The following CYP11B1 variants were observed in gnomAD, a reference collection of about 807,000 sequenced individuals.
CYP11B1 encodes cytochrome P450 family 11 subfamily B member 1.
In CYP11B1, 34 loss-of-function variants were observed where a neutral mutation model predicts 48.3. The ratio of observed to expected loss-of-function variants is 0.70; its 90% CI spans 0.54 to 0.94. CYP11B1 has a LOEUF of 0.94. Ranked by LOEUF, CYP11B1 falls within the 40% of genes least tolerant of loss-of-function variation. The pLI is 0.00. For missense variants in CYP11B1, 688 were observed against 657.4 expected (o/e 1.05, Z -0.51); for synonymous variants, 291 against 262.5 (o/e 1.11, Z -1.05).
rs745709636 is a variant in CYP11B1 at position 142,879,660 on chromosome 8, G to C, written c.154C>G (p.Leu52Val). ...PRRPGNRWLR[L>V]LQIWREQGYE... Reference sequence around the variant, plus strand: ...CCCTGCTCCCTCCAGATCTGCAGCAGCCTCAGCCACCTGTTGCCTGGACGC... The same window carrying C: ...CCCTGCTCCCTCCAGATCTGCAGCACCCTCAGCCACCTGTTGCCTGGACGC... Residue 52 changes from leucine (L) to valine (V), a missense_variant, in exon 1 of 9, where the codon CTG (leucine) becomes GTG (valine). Leu to Val is a conservative substitution (Grantham distance 32, BLOSUM62 1). Coordinates refer to ENST00000292427, the MANE Select transcript of CYP11B1 (RefSeq NM_000497.4). The C allele has an allele frequency of 1.9e-6, 3 of 1,614,248 alleles. No individual in the cohort carries two copies. The South Asian group carries it at 3.3e-5, about 18-fold the overall frequency.
intron 5 of CYP11B1, 104 bp from the exon 6 acceptor site, chr8:142,875,982 C>T (rs1245217508): frequency 1.4e-6 from 2 of 1,435,464 alleles, no homozygotes; most frequent in Non-Finnish European, 9.8e-7. Context: ...GACATGCATA[C>T]CCTGAGAACG....
At chr8:142,874,828 A>G in intron 8 of CYP11B1, 129 bp downstream of exon 8, 1 of 1,191,530 alleles carries the variant, frequency 8.4e-7, no homozygotes, top group South Asian at 1.3e-5. Context: ...TTCTCCCAGT[A>G]CCGGCTCTGC....
At position 142,876,847 on chromosome 8, in the gene CYP11B1, C is replaced by A; in HGVS notation, c.634G>T (p.Val212Phe). 6.2e-7 allele frequency: 1 copy of A among 1,614,038 alleles called. No homozygotes were observed. Among genetic ancestry groups the A allele is most frequent in the Non-Finnish European group, 8.5e-7 (1 of 1,180,006 alleles). Residue 212 changes from valine to phenylalanine, a missense_variant, in exon 4 of 9, where the codon GTT (valine) becomes TTT (phenylalanine). Transcript: ENST00000292427. Reference protein sequence around the residue: ...LALFGERLGLVGHSPSSASLN... With the variant: ...LALFGERLGLFGHSPSSASLN... ...CTGGCAGAACTGGGGCTGTGGCCAACCAGGCCCAGCCGCTCTCCAAAAAGA... is the reference window on the plus strand; with the variant it reads ...CTGGCAGAACTGGGGCTGTGGCCAAACAGGCCCAGCCGCTCTCCAAAAAGA...
At position 142,879,768 on chromosome 8, in the gene CYP11B1, G is replaced by A. The variant is rs1817089093; in HGVS notation, c.46C>T (p.Leu16=). The A allele has an allele frequency of 6.2e-7, 1 of 1,614,192 alleles. No homozygotes were observed. The change falls in exon 1 of 9, where the codon CTG becomes TTG. Residue 16 remains leucine, a synonymous_variant. Coordinates refer to ENST00000292427, the MANE Select transcript of CYP11B1 (RefSeq NM_000497.4). ...AGTGCCTGTGCCCTTTGCAGGGACA[G>A]CCAGGGCACTGCCATGCACACCTCT... ...KAEVCMAVPW[L]SLQRAQALGT...
At position 142,879,586 on chromosome 8, in the gene CYP11B1, C is replaced by A. The variant is rs780130248; in HGVS notation, c.228G>T (p.Gly76=). 1.2e-6 allele frequency: 2 copies of A among 1,614,084 alleles called. No homozygotes were observed. The highest frequency in any genetic ancestry group is 1.7e-6 in the Non-Finnish European group (2 of 1,180,040). Residue 76 remains glycine (G), a synonymous_variant, in exon 1 of 9, where the codon GGG becomes GGT. Coordinates refer to ENST00000292427, the MANE Select transcript of CYP11B1 (RefSeq NM_000497.4). The part of the protein sequence containing the change: ...LEVHQTFQEL[G]PIFRYDLGGA... ...AGGGAGGGCTTTACCTGAAAATGGG[C>A]CCTAGTTCCTGGAAGGTCTGGTGTA... is the stretch of plus-strand genomic sequence containing the variant.
rs369813641 is a variant in CYP11B1, at chr8:142,875,090, C to T, written c.1265G>A (p.Arg422His). 2.6e-5 allele frequency: 42 copies of T among 1,614,136 alleles called. No individual in the cohort carries two copies. The highest frequency in any genetic ancestry group is 9.9e-5 in the South Asian group (9 of 91,092). Residue 422 changes from arginine (R) to histidine (H), a missense_variant, in exon 8 of 9, where the codon CGC becomes CAC. Arg to His is a conservative substitution (Grantham distance 29). Coordinates refer to ENST00000292427, the MANE Select transcript of CYP11B1 (RefSeq NM_000497.4). ...GTCTAGCCAGCGCTGGGGGTTATAG[C>T]GCTCAGGCCTCGGGAACAAGGCGGG... ...RNPALFPRPERYNPQRWLDIR... is the reference protein window; with the variant it reads ...RNPALFPRPEHYNPQRWLDIR...
intron 7 of CYP11B1, 21 bp downstream of exon 7, chr8:142,875,213 A>T: frequency 6.2e-7 from 1 of 1,614,078 alleles, no homozygotes; most frequent in Non-Finnish European, 8.5e-7. Context: ...TCTCAGCTCG[A>T]GGGGTGTGGG....
rs752880294 is a variant in CYP11B1, at chr8:142,877,850, CTTTA to C, written c.396-632_396-629del. 2.0e-5 allele frequency: 32 copies of C among 1,585,608 alleles called. No individual in the cohort carries two copies. In the South Asian group the frequency reaches 3.1e-4, roughly 16 times the overall value. On this transcript the variant is annotated intron_variant, in intron 2 of 8. Transcript: ENST00000292427. ...AGCCACATTTCTGCAAAACTCAAAG[CTTTA>C]TTTATGTCCAGCTGGCTGTTGTGAG...
Position 142,875,876 on chromosome 8 carries a change from C to G in CYP11B1, c.957G>C (p.Thr319=). Residue 319 remains threonine (T), a splice_region_variant and synonymous_variant, in exon 6 of 9, where the codon ACG becomes ACC. Transcript: ENST00000292427. ...AGAGCGTCATCAGCAAGGGAAACAC[C>G]GTCTGCAGGAGACACAGCTGCAGGG... ...MELTAGSVDT[T]VFPLLMTLFE... 5 of 1,614,062 alleles carry G rather than the reference C, an allele frequency of 3.1e-6. No homozygotes were observed. Among genetic ancestry groups the G allele is most frequent in the Non-Finnish European group, 4.2e-6 (5 of 1,179,976 alleles).
At chr8:142,879,512 A>T in intron 1 of CYP11B1, 63 bp downstream of exon 1, 1 of 1,614,114 alleles carries the variant, frequency 6.2e-7, no homozygotes, top group Non-Finnish European at 8.5e-7. Flanking sequence ...AGTGCCCGGC[A>T]GGGTCCTGGG....
At position 142,875,068 on chromosome 8, in the gene CYP11B1, T is replaced by G; in HGVS notation, c.1287A>C (p.Leu429=). 1 of 1,614,216 alleles carries G rather than the reference T, an allele frequency of 6.2e-7. No individual in the cohort carries two copies. Among genetic ancestry groups the G allele is most frequent in the Non-Finnish European group, 8.5e-7 (1 of 1,180,034 alleles). The change falls in exon 8 of 9, where the codon CTA becomes CTC. Residue 429 remains leucine, a synonymous_variant. Transcript: ENST00000292427. ...AGTTCCTGCCGGAGCCCCTGATGTC[T>G]AGCCAGCGCTGGGGGTTATAGCGCT... is the stretch of plus-strand genomic sequence containing the variant. ...RPERYNPQRW[L]DIRGSGRNFY... is the part of the protein sequence containing the mutation.
In CYP11B1 at chr8:142,875,021, A is replaced by T. The variant is rs554178535; in HGVS notation, c.1334T>A (p.Phe445Tyr). ...GRNFYHVPFG[F>Y]GMRQCLGRRL... is the part of the protein sequence containing the mutation. ...CCGCCCAAGGCACTGGCGCATGCCA[A>T]AGCCAAAGGGCACGTGGTAGAAGTT... The change falls in exon 8 of 9, where the codon TTT becomes TAT. Residue 445 changes from phenylalanine to tyrosine, a missense_variant. Phe to Tyr is a conservative substitution (Grantham distance 22). Transcript: ENST00000292427. 3.7e-6 allele frequency: 6 copies of T among 1,614,246 alleles called. No individual in the cohort carries two copies. The highest frequency in any genetic ancestry group is 5.1e-6 in the Non-Finnish European group (6 of 1,180,048).
At chr8:142,875,411 C>G in intron 6 of CYP11B1, 99 bp from the exon 7 acceptor site, 1 of 1,374,000 alleles carries the variant, frequency 7.3e-7, no homozygotes, top group Non-Finnish European at 1.0e-6. Flanking sequence ...GGTCCCAGAT[C>G]CATGGGAAGC....
Position 142,877,191 on chromosome 8 carries a change from G to A in CYP11B1, c.427C>T (p.Arg143Trp), listed in dbSNP as rs140336749. Residue 143 changes from arginine (R) to tryptophan (W), a missense_variant, in exon 3 of 9, where the codon CGG becomes TGG. Coordinates refer to ENST00000292427, the MANE Select transcript of CYP11B1 (RefSeq NM_000497.4). ...GGCGACAGCACTTCTGGATTCAGCC[G>A]CAATCGGTTGAAGCGCCATTCAGGC... ...NGPEWRFNRL[R>W]LNPEVLSPNA... The A allele has an allele frequency of 6.1e-5, 99 of 1,614,016 alleles. No homozygotes were observed. In the South Asian group the frequency reaches 9.4e-4, roughly 15 times the overall value.
chr8:142,874,392 G>A lies in CYP11B1; in HGVS notation c.1493C>T (p.Thr498Ile). The change falls in exon 9 of 9, where the codon ACC (threonine) becomes ATC (isoleucine). Residue 498 changes from threonine to isoleucine, a missense_variant. By Grantham distance (89) the Thr-to-Ile change is moderately conservative. Transcript: ENST00000292427. ...ILRPSMFPLL[T>I]FRAIN is the part of the protein sequence containing the mutation. ...ACGTGATTAGTTGATGGCTCTGAAG[G>A]TGAGGAGGGGGAACATGCTGGGCCT... The A allele has an allele frequency of 6.2e-7, 1 of 1,613,590 alleles. No individual in the cohort carries two copies. Among genetic ancestry groups the A allele is most frequent in the African/African-American group, 1.3e-5 (1 of 75,018 alleles).
intron 2 of CYP11B1, among the ~76,000 whole-genome samples, 170 bp from the exon 3 acceptor site, chr8:142,877,392 TC>T (rs1816995296): frequency 6.6e-6 from 1 of 152,210 alleles, no homozygotes; most frequent in Non-Finnish European, 1.5e-5. Flanking sequence ...CAGAGCGGCC[TC>T]CAGGTGCTGG....
intron 2 of CYP11B1, among the ~76,000 whole-genome samples, chr8:142,878,061 CAT>C (rs5895733): frequency 0.59 from 90,279 of 151,762 alleles, 27,753 homozygotes; most frequent in East Asian, 0.77. Flanking sequence ...CACACAGACA[CAT>C]GTGCACACAC....
intron 6 of CYP11B1, 104 bp from the exon 7 acceptor site, chr8:142,875,416 G>C: frequency 1.2e-5 from 17 of 1,370,666 alleles, no homozygotes; most frequent in Non-Finnish European, 1.6e-5. Flanking sequence ...CAGATCCATG[G>C]GAAGCCCAGG....
rs370226163 is a variant in CYP11B1 at position 142,876,290 on chromosome 8, T to C, written c.905A>G (p.Asp302Gly). The change falls in exon 5 of 9, where the codon GAT (aspartate) becomes GGT (glycine). Residue 302 changes from aspartate (D) to glycine (G), a missense_variant. Transcript: ENST00000292427. ...ELLLNAELSP[D>G]AIKANSMELT... The stretch of plus-strand genomic sequence containing the variant: ...TTCCATAGAGTTGGCCTTGATGGCA[T>C]CTGGCGACAGTTCCGCATTCAACAG... The C allele has an allele frequency of 3.3e-5, 53 of 1,614,208 alleles. No individual in the cohort carries two copies. Among genetic ancestry groups the C allele is most frequent in the Non-Finnish European group, 4.5e-5 (53 of 1,180,036 alleles).
Sources: gnomAD v4.1 joint callset for allele counts (sites outside exome capture counted in the v4.1 genomes callset) on GRCh38, gnomAD v4.1.1 for gene constraint, MANE v1.5 for transcripts, NCBI Gene and HGNC (gene_info 2026-07-23, HGNC 2026-07-21) for gene names.